Variants in GRM5 observed in about 807,000 individuals in gnomAD.
GRM5 encodes metabotropic glutamate receptor 5.
Under a neutral mutation model 83.1 loss-of-function variants are expected in GRM5, and 19 were observed. The observed-to-expected ratio is 0.23, with a 90% CI of 0.16 to 0.34. GRM5 has a LOEUF of 0.34. GRM5 is among the 10% of genes least tolerant of loss of function. GRM5 has a pLI of 1.00. For synonymous variants in GRM5, 675 were observed against 633.6 expected, an observed-to-expected ratio of 1.07 and a Z score of -0.98; for missense variants, 1,160 against 1,588.3, an observed-to-expected ratio of 0.73 and a Z score of 4.58.
At chr11:88,960,076 A>C (rs1565310265) in intron 2 of GRM5, among the ~76,000 whole-genome samples, 1 of 152,330 alleles carries the variant, frequency 6.6e-6, no homozygotes, top group East Asian at 1.9e-4. Flanking sequence ...AGGAAACTGC[A>C]CTTGGAAAGG....
intron 3 of GRM5, among the ~76,000 whole-genome samples, chr11:88,717,721 T>C (rs997600172): frequency 2.0e-5 from 3 of 151,770 alleles, no homozygotes; most frequent in African/African-American, 2.4e-5. Context: ...GTATGACACA[T>C]ATCAAGGAAA....
intron 8 of GRM5, among the ~76,000 whole-genome samples, chr11:88,546,555 T>C (rs550988236): frequency 3.4e-4 from 52 of 152,240 alleles, no homozygotes; most frequent in African/African-American, 1.2e-3. Flanking sequence ...TTTGGCTAAA[T>C]GGAGTTTTCT....
chr11:88,720,833 TGTGTGTGTGTGC>T (rs1941520652), intron 3 of GRM5, among the ~76,000 whole-genome samples: 1 of 149,806 alleles, frequency 6.7e-6, no homozygotes, highest in African/African-American at 2.5e-5. Flanking sequence ...TGTGTGTGTG[TGTGTGTGTGTGC>T]CTGTATTGAA....
At chr11:88,993,314 T>A (rs1591029671) in intron 2 of GRM5, among the ~76,000 whole-genome samples, 1 of 151,032 alleles carries the variant, frequency 6.6e-6, no homozygotes, top group African/African-American at 2.4e-5. Context: ...CTTTTATATA[T>A]GGATATCCAT....
chr11:88,600,037 A>G (rs370630130), intron 5 of GRM5, among the ~76,000 whole-genome samples: 2 of 152,174 alleles, frequency 1.3e-5, no homozygotes, highest in East Asian at 3.9e-4. Flanking sequence ...AGAAAACAGT[A>G]ATTCAGTGTG....
intron 3 of GRM5, among the ~76,000 whole-genome samples, chr11:88,766,615 T>C (rs965608792): frequency 6.6e-6 from 1 of 152,000 alleles, no homozygotes; most frequent in Non-Finnish European, 1.5e-5. Flanking sequence ...GAAGATAACC[T>C]AGGCAATCGC....
At chr11:88,535,950 C>T (rs1018606065) in intron 8 of GRM5, among the ~76,000 whole-genome samples, 3 of 152,096 alleles carry the variant, frequency 2.0e-5, no homozygotes, top group East Asian at 1.9e-4. Flanking sequence ...AGAGAGAGAT[C>T]GATTGGGTAA....
At chr11:88,992,866 G>A (rs1262700171) in intron 2 of GRM5, among the ~76,000 whole-genome samples, 5 of 144,596 alleles carry the variant, frequency 3.5e-5, no homozygotes, top group South Asian at 2.3e-4. Context: ...GGGGCCTGTC[G>A]TGGGGTGGGG....
chr11:89,007,346 T>C (rs1940558600), intron 2 of GRM5, among the ~76,000 whole-genome samples: 1 of 152,240 alleles, frequency 6.6e-6, no homozygotes, highest in South Asian at 2.1e-4. Flanking sequence ...CATATCTCTC[T>C]GCTAAGTTTA....
intron 3 of GRM5, among the ~76,000 whole-genome samples, chr11:88,679,009 A>C (rs1481174996): frequency 6.6e-6 from 1 of 152,172 alleles, no homozygotes. Flanking sequence ...CATTTTAAAG[A>C]GTTTAGTTTT....
chr11:88,580,477 T>C (rs1943196573), intron 7 of GRM5, among the ~76,000 whole-genome samples: 1 of 152,190 alleles, frequency 6.6e-6, no homozygotes, highest in Non-Finnish European at 1.5e-5. Context: ...TAGATCCTTT[T>C]TGGGAAGGTT....
At chr11:88,611,661 C>A (rs1938321000) in intron 4 of GRM5, among the ~76,000 whole-genome samples, 1 of 152,034 alleles carries the variant, frequency 6.6e-6, no homozygotes, top group African/African-American at 2.4e-5. Flanking sequence ...TTCAAAAAAC[C>A]AACTTTTGTT....
chr11:88,816,465 G>A (rs1590880119), intron 3 of GRM5, among the ~76,000 whole-genome samples: 1 of 150,280 alleles, frequency 6.7e-6, no homozygotes, highest in Admixed American at 6.6e-5. Flanking sequence ...CTTGAACCTG[G>A]GAGGCAGAGG....
intron 3 of GRM5, among the ~76,000 whole-genome samples, chr11:88,683,243 T>A (rs539938871): frequency 1.3e-5 from 2 of 152,178 alleles, no homozygotes; most frequent in South Asian, 2.1e-4. Context: ...TTAATGGTAT[T>A]GTCAATGCCC....
chr11:88,856,951 C>A (rs1206875854), intron 2 of GRM5, among the ~76,000 whole-genome samples: 1 of 152,058 alleles, frequency 6.6e-6, no homozygotes, highest in African/African-American at 2.4e-5. Context: ...GCATACTGAT[C>A]TTTTTCACTC....
At chr11:88,734,337 G>A (rs1385258043) in intron 3 of GRM5, among the ~76,000 whole-genome samples, 1 of 151,866 alleles carries the variant, frequency 6.6e-6, no homozygotes, top group Admixed American at 6.6e-5. Context: ...GATAAGTGTT[G>A]GCAAAAATGT....
intron 4 of GRM5, among the ~76,000 whole-genome samples, chr11:88,623,915 TA>T (rs1938714009): frequency 1.3e-5 from 2 of 152,170 alleles, no homozygotes; most frequent in Non-Finnish European, 2.9e-5. Context: ...TTATTTATCC[TA>T]AAAAAGTCAA....
At chr11:88,811,189 G>A (rs536846916) in intron 3 of GRM5, among the ~76,000 whole-genome samples, 3 of 152,024 alleles carry the variant, frequency 2.0e-5, no homozygotes, top group Admixed American at 6.6e-5. Flanking sequence ...ATTCAAATAC[G>A]TGTTTCCAGC....
At chr11:88,690,693 T>C (rs1409424861) in intron 3 of GRM5, among the ~76,000 whole-genome samples, 1 of 152,190 alleles carries the variant, frequency 6.6e-6, no homozygotes, top group East Asian at 1.9e-4. Flanking sequence ...GATTTGTCAC[T>C]TCAGTCACAG....
Sources: allele counts gnomAD v4.1 joint callset (sites outside exome capture counted in the v4.1 genomes callset), GRCh38; gene constraint gnomAD v4.1.1; transcripts MANE v1.5; gene names NCBI Gene and HGNC (gene_info 2026-07-23, HGNC 2026-07-21).